The following EFCAB3 variants were observed in gnomAD, a reference collection of about 807,000 sequenced individuals.
EFCAB3 encodes the protein EF-hand calcium binding domain 3.
In EFCAB3, 36 loss-of-function variants were observed where a neutral mutation model predicts 42.2. The ratio of observed to expected loss-of-function variants is 0.85; its 90% confidence interval spans 0.65 to 1.13. The LOEUF is 1.13. EFCAB3 is among the 50% of genes most tolerant of loss of function. The pLI is 0.00. For synonymous variants in EFCAB3, 170 were observed against 172.8 expected, an observed-to-expected ratio of 0.98 and a Z score of 0.13; for missense variants, 418 against 505.1, an observed-to-expected ratio of 0.83 and a Z score of 1.65.
intron 2 of EFCAB3, among the ~76,000 whole-genome samples, chr17:62,374,749 C>A (rs1287238786): frequency 1.3e-5 from 2 of 152,182 alleles, no homozygotes; most frequent in African/African-American, 4.8e-5. Flanking sequence ...TTATTCTCTG[C>A]ATCTGCATTC....
At position 62,416,288 on chromosome 17, in the gene EFCAB3, A is replaced by T. The variant is rs758832041; in HGVS notation, c.1276A>T (p.Arg426Ter). 1 of 1,610,918 alleles carries T rather than the reference A, an allele frequency of 6.2e-7. No homozygotes were observed. The highest frequency in any genetic ancestry group is 1.3e-5 in the African/African-American group (1 of 74,650). The part of the protein sequence containing the change: ...DTSECYTDSG[R>*]KRKRKGLKGF... The stretch of plus-strand genomic sequence containing the variant: ...CAGTGAATGTTACACAGACTCAGGA[A>T]GAAAAAGAAAACGGAAAGGTTTAAA... The change falls in exon 10 of 10, where the codon AGA becomes TGA. Residue 426 changes from arginine to a stop codon, truncating the protein, a stop_gained. Transcript: ENST00000305286. LOFTEE classifies it high-confidence loss of function.
intron 8 of EFCAB3, among the ~76,000 whole-genome samples, chr17:62,407,523 C>T (rs1327007149): frequency 6.6e-6 from 1 of 152,146 alleles, no homozygotes; most frequent in Non-Finnish European, 1.5e-5. Flanking sequence ...GCACTCTGGA[C>T]ACGCTCCATC....
intron 8 of EFCAB3, among the ~76,000 whole-genome samples, chr17:62,409,521 G>T (rs1032558683): frequency 6.6e-6 from 1 of 151,820 alleles, no homozygotes; most frequent in South Asian, 2.1e-4. Flanking sequence ...TCTAGCCCGG[G>T]CAACATAGTG....
chr17:62,398,180 G>A (rs190730811), intron 6 of EFCAB3: 55 of 206,324 alleles, frequency 2.7e-4, no homozygotes, highest in African/African-American at 1.2e-3. Context: ...CGGGCCAGGC[G>A]TGATGGCTCA....
chr17:62,404,223 T>C (rs1407243000), intron 6 of EFCAB3, among the ~76,000 whole-genome samples: 2 of 152,148 alleles, frequency 1.3e-5, no homozygotes. Context: ...ATTTAGATTA[T>C]GTCACATTAG....
rs780676689 is a variant in EFCAB3, at chr17:62,395,048, C to A, written c.368-20C>A. 1.2e-6 allele frequency: 2 copies of A among 1,609,954 alleles called. No homozygotes were observed. The highest frequency in any genetic ancestry group is 1.1e-5 in the South Asian group (1 of 90,430). On this transcript the variant is annotated intron_variant, in intron 5 of 9. Transcript: ENST00000305286. ...TTTCAGAAGGTATTTAAAAATCTAT[C>A]TTTTGTTTTCCCTCCATAGTTCCAG... is the stretch of plus-strand genomic sequence containing the variant.
intron 6 of EFCAB3, 82 bp downstream of exon 6, chr17:62,395,270 A>G: frequency 6.5e-7 from 1 of 1,536,674 alleles, no homozygotes; most frequent in Non-Finnish European, 8.8e-7. Context: ...TCCCACTAAC[A>G]TCCAACTCCA....
At chr17:62,411,571 C>A (rs1404646402) in intron 8 of EFCAB3, among the ~76,000 whole-genome samples, 1 of 152,110 alleles carries the variant, frequency 6.6e-6, no homozygotes, top group East Asian at 1.9e-4. Context: ...GAGTTCAAGA[C>A]CAGCCTGGCC....
chr17:62,391,202 T>C (rs1017810527), intron 3 of EFCAB3, among the ~76,000 whole-genome samples: 8 of 152,284 alleles, frequency 5.3e-5, no homozygotes, highest in Middle Eastern at 3.4e-3. Context: ...TTAGCCAGGA[T>C]GGTCTCAATC....
chr17:62,407,724 T>G (rs1001072262), intron 8 of EFCAB3, among the ~76,000 whole-genome samples: 2 of 152,186 alleles, frequency 1.3e-5, no homozygotes, highest in African/African-American at 4.8e-5. Flanking sequence ...CAGGATATAC[T>G]TTTGTCATCA....
upstream of EFCAB3, among the ~76,000 whole-genome samples, chr17:62,378,445 C>A (rs1443708390): frequency 2.0e-5 from 3 of 152,136 alleles, no homozygotes; most frequent in Non-Finnish European, 4.4e-5. Context: ...CACCTGTAAT[C>A]CTAGAGCCTT....
At chr17:62,381,484 A>G (rs909063217) in intron 1 of EFCAB3, among the ~76,000 whole-genome samples, 1 of 151,948 alleles carries the variant, frequency 6.6e-6, no homozygotes, top group Non-Finnish European at 1.5e-5. Context: ...TGTTTCTCAA[A>G]CTATGCCAAG....
chr17:62,390,722 C>G (rs2144076588), intron 3 of EFCAB3, among the ~76,000 whole-genome samples: 1 of 152,208 alleles, frequency 6.6e-6, no homozygotes, highest in African/African-American at 2.4e-5. Flanking sequence ...AGAAGCCTAC[C>G]TTTTATCAAG....
intron 6 of EFCAB3, among the ~76,000 whole-genome samples, chr17:62,402,589 T>C (rs576807268): frequency 2.0e-5 from 3 of 152,280 alleles, no homozygotes; most frequent in Admixed American, 6.5e-5. Context: ...TGATGGGTTA[T>C]GTTTATTGAT....
At position 62,406,528 on chromosome 17, in the gene EFCAB3, T is replaced by A. The variant is rs775298368; in HGVS notation, c.537T>A (p.Ser179Arg). ...FQHTGPGMLWSPYTMGYGKRT... is the reference protein window; with the variant it reads ...FQHTGPGMLWRPYTMGYGKRT... The stretch of plus-strand genomic sequence containing the variant: ...ATACTGGCCCAGGAATGTTGTGGAG[T>A]CCCTACACTATGGGCTATGGAAAAA... Residue 179 changes from serine (S) to arginine (R), a missense_variant, in exon 7 of 10, where the codon AGT becomes AGA. Ser to Arg is a moderately radical substitution (Grantham distance 110). Coordinates refer to ENST00000305286, the MANE Select transcript of EFCAB3 (RefSeq NM_173503.4). The A allele has an allele frequency of 3.1e-6, 5 of 1,613,074 alleles. No individual in the cohort carries two copies. The highest frequency in any genetic ancestry group is 4.2e-6 in the Non-Finnish European group (5 of 1,179,708).
chr17:62,373,706 T>C, intron 1 of EFCAB3: 1 of 672,572 alleles, frequency 1.5e-6, no homozygotes, highest in South Asian at 1.8e-5. Context: ...TTTCTAGTTC[T>C]TCTAACTCAT....
chr17:62,409,417 C>A (rs1598021487), intron 8 of EFCAB3, among the ~76,000 whole-genome samples: 1 of 152,246 alleles, frequency 6.6e-6, no homozygotes, highest in East Asian at 1.9e-4. Flanking sequence ...TACCCCTAAT[C>A]CCAGCTGATT....
chr17:62,397,415 C>G (rs1017792065), intron 6 of EFCAB3: 1 of 452,584 alleles, frequency 2.2e-6, no homozygotes. Context: ...GCGTCATGGA[C>G]TTCGTGTGGC....
At chr17:62,377,801 A>G (rs1053415175), upstream of EFCAB3, among the ~76,000 whole-genome samples, 10 of 144,220 alleles carry the variant, frequency 6.9e-5, no homozygotes, top group Admixed American at 4.0e-4. Flanking sequence ...CAATGCATTA[A>G]GGCACCAAAA....
Sources: gnomAD v4.1 joint callset for allele counts (sites outside exome capture counted in the v4.1 genomes callset) on GRCh38, gnomAD v4.1.1 for gene constraint, MANE v1.5 for transcripts, NCBI Gene and HGNC (gene_info 2026-07-23, HGNC 2026-07-21) for gene names.